The following ANTXRL variants were observed in gnomAD, a reference collection of about 807,000 sequenced individuals.
ANTXRL encodes the protein anthrax toxin receptor-like.
ANTXRL carries 63 observed loss-of-function variants against 75.4 expected under a neutral mutation model. That is an observed-to-expected ratio of 0.84 (90% CI 0.68 to 1.03). ANTXRL has a LOEUF of 1.03. Among genes scored for constraint, ANTXRL ranks in the 50% least tolerant of loss-of-function variants. The pLI is 0.00. For synonymous variants in ANTXRL, 335 were observed against 291.3 expected, an observed-to-expected ratio of 1.15 and a Z score of -1.53; for missense variants, 797 against 789.4, an observed-to-expected ratio of 1.01 and a Z score of -0.12.
chr10:46,287,389 C>T lies in ANTXRL; in HGVS notation c.127C>T (p.Leu43=). 1 of 1,536,058 alleles carries T rather than the reference C, an allele frequency of 6.5e-7. No individual in the cohort carries two copies. The highest frequency in any genetic ancestry group is 1.7e-4 in the Middle Eastern group (1 of 5,982). Residue 43 remains leucine (L), a synonymous_variant, in exon 1 of 17, where the codon CTG becomes TTG. Coordinates refer to ENST00000620264, the MANE Select transcript of ANTXRL (RefSeq NM_001278688.3). ...HGPDWRIFHR[L]ALGSRRAHHH... Reference sequence around the variant, plus strand: ...ACCTGACTGGAGAATATTTCACCGCCTGGCCCTGGGCTCCAGGAGAGCCCA... The same window carrying T: ...ACCTGACTGGAGAATATTTCACCGCTTGGCCCTGGGCTCCAGGAGAGCCCA...
rs1554955548 is a variant in ANTXRL at position 46,287,462 on chromosome 10, C to G, written c.200C>G (p.Ala67Gly). ...AGGCAGCACTGGCGCCAGGGGCAAGCAGGTCACAGATGCCAGGGCTCATTT... is the reference window on the plus strand; with the variant it reads ...AGGCAGCACTGGCGCCAGGGGCAAGGAGGTCACAGATGCCAGGGCTCATTT... ...GWRQHWRQGQ[A>G]GHRCQGSFDL... Residue 67 changes from alanine to glycine, a missense_variant, in exon 1 of 17, where the codon GCA becomes GGA. Ala to Gly is a moderately conservative substitution (Grantham distance 60). Coordinates refer to ENST00000620264, the MANE Select transcript of ANTXRL (RefSeq NM_001278688.3). 6.5e-7 allele frequency: 1 copy of G among 1,535,752 alleles called. No individual in the cohort carries two copies. The highest frequency in any genetic ancestry group is 2.0e-5 in the Admixed American group (1 of 50,962).
rs1554959160 is a variant in ANTXRL at position 46,297,470 on chromosome 10, A to T, written c.650A>T (p.Asp217Val). ...YTLGVADYNLDQITAIADSPG... is the reference protein window; with the variant it reads ...YTLGVADYNLVQITAIADSPG... Reference sequence around the variant, plus strand: ...CTGGGTGTGGCTGATTATAATCTGGATCAGGTAATTCCAAGCAGGTAACCA... The same window carrying T: ...CTGGGTGTGGCTGATTATAATCTGGTTCAGGTAATTCCAAGCAGGTAACCA... Residue 217 changes from aspartate (D) to valine (V), a missense_variant, in exon 7 of 17, where the codon GAT becomes GTT. Physicochemically the swap from Asp to Val is radical, Grantham distance 152 (BLOSUM62 -3). Around this residue, in one of 3 missense-constraint regions of ANTXRL, gnomAD observed 262 missense variants for 271.9 expected, o/e 0.96. Transcript: ENST00000620264. 6.5e-7 allele frequency: 1 copy of T among 1,535,640 alleles called. No homozygotes were observed. The highest frequency in any genetic ancestry group is 8.7e-7 in the Non-Finnish European group (1 of 1,146,646).
intron 2 of ANTXRL, among the ~76,000 whole-genome samples, chr10:46,293,574 C>T (rs1385230567): frequency 6.9e-6 from 1 of 144,780 alleles, no homozygotes; most frequent in African/African-American, 2.5e-5. Flanking sequence ...CCTGTGTGTG[C>T]GCGTGTGTGT....
chr10:46,320,866 A>G (rs1554965454), intron 16 of ANTXRL, among the ~76,000 whole-genome samples: 1 of 152,224 alleles, frequency 6.6e-6, no homozygotes, highest in Non-Finnish European at 1.5e-5. Context: ...ATCTGGTGAC[A>G]TTATACAAGC....
chr10:46,294,310 A>G (rs1837235591), intron 3 of ANTXRL, among the ~76,000 whole-genome samples: 1 of 152,054 alleles, frequency 6.6e-6, no homozygotes, highest in Non-Finnish European at 1.5e-5. Context: ...GGAGGGAGAC[A>G]GGGTCAAAGC....
chr10:46,320,496 C>T (rs1365903278), intron 16 of ANTXRL, among the ~76,000 whole-genome samples: 1 of 152,144 alleles, frequency 6.6e-6, no homozygotes, highest in Non-Finnish European at 1.5e-5. Flanking sequence ...CTTTGGGAGG[C>T]CTAGGTGGGC....
At chr10:46,309,434 A>G (rs1327655341) in intron 13 of ANTXRL, among the ~76,000 whole-genome samples, 1 of 152,170 alleles carries the variant, frequency 6.6e-6, no homozygotes, top group Non-Finnish European at 1.5e-5. Flanking sequence ...GCTGGCCTGG[A>G]ATGCCCTGGA....
At chr10:46,310,877 C>A (rs1402347189) in intron 14 of ANTXRL, among the ~76,000 whole-genome samples, 4 of 152,108 alleles carry the variant, frequency 2.6e-5, no homozygotes, top group Non-Finnish European at 5.9e-5. Context: ...GCTCTAGAGG[C>A]AGGTGTGGCT....
intron 9 of ANTXRL, among the ~76,000 whole-genome samples, chr10:46,301,518 C>T (rs1335189182): frequency 1.3e-5 from 2 of 152,144 alleles, no homozygotes; most frequent in Non-Finnish European, 2.9e-5. Context: ...CAGCAGTCAG[C>T]GTTGAGGGCC....
intron 2 of ANTXRL, chr10:46,292,694 C>G (rs1837046205): frequency 6.3e-6 from 1 of 158,710 alleles, no homozygotes; most frequent in African/African-American, 2.4e-5. Flanking sequence ...CTCATTATGC[C>G]AGGCCAAGGA....
At chr10:46,296,364 A>G in intron 5 of ANTXRL, 112 bp downstream of exon 5, 2 of 1,226,686 alleles carry the variant, frequency 1.6e-6, no homozygotes, top group East Asian at 2.5e-5. Context: ...TGCCTCTTGG[A>G]GCAAGTTGCT....
chr10:46,319,126 A>G (rs1253151618), intron 16 of ANTXRL, among the ~76,000 whole-genome samples: 1 of 152,164 alleles, frequency 6.6e-6, no homozygotes, highest in East Asian at 1.9e-4. Flanking sequence ...GCTGTGGTTC[A>G]TATGTGAGAA....
At chr10:46,329,489 G>C (rs1170061349) in intron 16 of ANTXRL, 110 bp from the exon 17 acceptor site, 1 of 1,387,366 alleles carries the variant, frequency 7.2e-7, no homozygotes, top group Non-Finnish European at 9.6e-7. Context: ...GGCCCACCCT[G>C]TGGGTCCCGA....
rs1486784306 is a variant in ANTXRL, at chr10:46,309,182, T to C, written c.1114T>C (p.Trp372Arg). The C allele has an allele frequency of 5.9e-6, 9 of 1,529,202 alleles. No individual in the cohort carries two copies. In the African/African-American group the frequency reaches 1.3e-4, roughly 23 times the overall value. 94.7% of individuals were successfully genotyped at this position (1,529,202 alleles called of 1,614,324 possible). The change falls in exon 13 of 17, where the codon TGG becomes CGG. Residue 372 changes from tryptophan to arginine, a missense_variant. Trp to Arg is a moderately radical substitution (Grantham distance 101, BLOSUM62 -3). Transcript: ENST00000620264. ...TGTGCCACTGCTGCTGTGTTGTGTC[T>C]GGCGGCTGTGCCGCAAGCAGGCAAG... is the stretch of plus-strand genomic sequence containing the variant. ...LLVPLLLCCVWRLCRKQTVKE... is the reference protein window; with the variant it reads ...LLVPLLLCCVRRLCRKQTVKE...
intron 10 of ANTXRL, among the ~76,000 whole-genome samples, chr10:46,304,667 C>T (rs1332312194): frequency 6.6e-6 from 1 of 152,180 alleles, no homozygotes; most frequent in African/African-American, 2.4e-5. Flanking sequence ...TTTTTTAACA[C>T]AAATGACTCC....
At chr10:46,292,009 A>G (rs782361961) in intron 1 of ANTXRL, 49 bp from the exon 2 acceptor site, 4 of 1,504,042 alleles carry the variant, frequency 2.7e-6, no homozygotes, top group South Asian at 2.4e-5. Context: ...ACACTTGCCC[A>G]TCGGAGAGAT....
chr10:46,298,108 G>A, intron 9 of ANTXRL, 46 bp downstream of exon 9: 4 of 1,206,216 alleles, frequency 3.3e-6, no homozygotes, highest in South Asian at 1.3e-5. Context: ...TGGTGTGCAT[G>A]AGTGCATGCG....
In ANTXRL at chr10:46,287,182, A is replaced by G. The variant is rs1836798057; in HGVS notation, c.-81A>G. On this transcript the variant is annotated 5_prime_UTR_variant, in exon 1 of 17. Transcript: ENST00000620264. The stretch of plus-strand genomic sequence containing the variant: ...GCCCCGGGCATAAGGGGAGGCGGCA[A>G]AGAAGGGGCCTGTGCTCAGCCTCTC... 3 of 1,478,734 alleles carry G rather than the reference A, an allele frequency of 2.0e-6. No homozygotes were observed. In the East Asian group the frequency reaches 7.4e-5, roughly 36 times the overall value. The allele number at this position is 1,478,734 out of a possible 1,614,324, so 91.6% of individuals were successfully genotyped here.
At chr10:46,293,500 T>C (rs1554957396) in intron 2 of ANTXRL, among the ~76,000 whole-genome samples, 1 of 126,078 alleles carries the variant, frequency 7.9e-6, no homozygotes, top group East Asian at 2.0e-4. Flanking sequence ...TTGTGTGGTG[T>C]GTGCACCTGT....
Sources: gnomAD v4.1 joint callset for allele counts (sites outside exome capture counted in the v4.1 genomes callset) on GRCh38, gnomAD v4.1.1 for gene constraint, gnomAD v4.1.1 regional missense constraint, MANE v1.5 for transcripts, NCBI Gene and HGNC (gene_info 2026-07-23, HGNC 2026-07-21) for gene names.